PACSIN2: variants seen among roughly 807,000 people sequenced by gnomAD.
PACSIN2 encodes protein kinase C and casein kinase substrate in neurons 2, also known as protein kinase C and casein kinase substrate in neurons protein 2.
PACSIN2 carries 25 observed loss-of-function variants against 63.8 expected under a neutral mutation model. The observed-to-expected ratio is 0.39, with a 90% CI of 0.29 to 0.55. PACSIN2 has a LOEUF of 0.55. PACSIN2 is among the 20% of genes least tolerant of loss of function. The pLI is 0.62. For synonymous variants in PACSIN2, 255 were observed against 256.2 expected (o/e 1.00, Z 0.05); for missense variants, 518 against 646.9 (o/e 0.80, Z 2.16).
intron 1 of PACSIN2, among the ~76,000 whole-genome samples, chr22:42,916,801 C>A (rs998617680): frequency 2.6e-5 from 4 of 152,182 alleles, no homozygotes; most frequent in Non-Finnish European, 5.9e-5. Flanking sequence ...ATGGAGAAGG[C>A]CCAGCAGTGA....
chr22:42,902,366 G>C (rs1930752842), intron 2 of PACSIN2, among the ~76,000 whole-genome samples: 1 of 152,152 alleles, frequency 6.6e-6, no homozygotes, highest in South Asian at 2.1e-4. Context: ...CCCTCCCCCT[G>C]GTGGACATGT....
At chr22:42,913,204 G>A in intron 1 of PACSIN2, among the ~76,000 whole-genome samples, 1 of 152,334 alleles carries the variant, frequency 6.6e-6, no homozygotes, top group Non-Finnish European at 1.5e-5. Context: ...AATAGGCCGG[G>A]CACAGTGGCT....
At chr22:42,962,780 G>GGGGGA (rs1569329661) in intron 1 of PACSIN2, among the ~76,000 whole-genome samples, 1,056 of 65,244 alleles carry the variant, frequency 0.016, 87 homozygotes, top group African/African-American at 0.065. Flanking sequence ...GTGGGCGGGG[G>GGGGGA]GGGGGGGCGG....
chr22:42,909,140 A>C (rs1054884905), intron 2 of PACSIN2, among the ~76,000 whole-genome samples: 1 of 152,116 alleles, frequency 6.6e-6, no homozygotes, highest in African/African-American at 2.4e-5. Flanking sequence ...AGCAACGTCC[A>C]CTACCCCATG....
At chr22:42,962,463 C>T (rs995402261) in intron 1 of PACSIN2, among the ~76,000 whole-genome samples, 1 of 152,128 alleles carries the variant, frequency 6.6e-6, no homozygotes, top group African/African-American at 2.4e-5. Flanking sequence ...AACACTGCCC[C>T]TCCAACTTGA....
rs564613760 is a variant in PACSIN2, at chr22:42,876,461, G to T, written c.1152-128C>A. 951 of 713,674 alleles carry T rather than the reference G, an allele frequency of 1.3e-3. 2 individuals carry two copies. The highest frequency in any genetic ancestry group is 2.0e-3 in the Non-Finnish European group (840 of 426,442). The allele number at this position is 713,674 out of a possible 1,614,324, so 44.2% of individuals were successfully genotyped here. On this transcript the variant is annotated intron_variant, in intron 9 of 10. Coordinates refer to ENST00000263246, the MANE Select transcript of PACSIN2 (RefSeq NM_001184970.3). ...TGAGGGCTCCTTCCGAAGGAGCACA[G>T]GTGGAGCCAGTGCTAGTGTGAGTTC...
intron 1 of PACSIN2, among the ~76,000 whole-genome samples, chr22:42,944,613 T>G (rs1306002153): frequency 6.6e-6 from 1 of 152,168 alleles, no homozygotes; most frequent in African/African-American, 2.4e-5. Context: ...TGTTCATCAC[T>G]GCAATATTTA....
intron 1 of PACSIN2, among the ~76,000 whole-genome samples, chr22:42,957,187 G>A (rs1933951660): frequency 6.6e-6 from 1 of 152,024 alleles, no homozygotes; most frequent in South Asian, 2.1e-4. Context: ...ACACCAGGAG[G>A]GAAGACAGTT....
chr22:42,947,738 G>C (rs976010854), intron 1 of PACSIN2, among the ~76,000 whole-genome samples: 1 of 152,170 alleles, frequency 6.6e-6, no homozygotes, highest in African/African-American at 2.4e-5. Flanking sequence ...CTCTGCGCCT[G>C]ACACTGCTCA....
chr22:42,885,823 G>A lies in PACSIN2; in HGVS notation c.610-1262C>T, dbSNP rs370217179. On this transcript the variant is annotated intron_variant, in intron 5 of 10. Transcript: ENST00000263246. ...TAAGATGGCTGGGCTTGGGTCCTCT[G>A]TGCCAGGAAAAGGCCACCCCTGCCA... Among the ~76,000 whole-genome samples the A allele has an allele frequency of 4.6e-5, 7 of 152,154 alleles. No homozygotes were observed. The East Asian group carries it at 1.4e-3, about 29-fold the overall frequency.
chr22:42,873,397 C>A (rs1455927278), intron 10 of PACSIN2, among the ~76,000 whole-genome samples: 1 of 152,120 alleles, frequency 6.6e-6, no homozygotes, highest in African/African-American at 2.4e-5. Flanking sequence ...AACAAAAAAA[C>A]CCAACTTCTC....
intron 1 of PACSIN2, among the ~76,000 whole-genome samples, chr22:42,975,800 A>G (rs935118810): frequency 6.6e-6 from 1 of 152,110 alleles, no homozygotes; most frequent in Non-Finnish European, 1.5e-5. Context: ...ATTTATTAGT[A>G]TGTTCCAAAA....
chr22:42,878,970 GC>G, intron 8 of PACSIN2, 77 bp downstream of exon 8: 1 of 1,463,038 alleles, frequency 6.8e-7, no homozygotes, highest in East Asian at 2.4e-5. Context: ...CCAGGCCGGG[GC>G]TGCCCTGGAC....
At chr22:42,931,694 A>G (rs1211863979) in intron 1 of PACSIN2, among the ~76,000 whole-genome samples, 1 of 152,220 alleles carries the variant, frequency 6.6e-6, no homozygotes, top group Admixed American at 6.5e-5. Context: ...GCTGCTGGCT[A>G]GGCTGAGAAC....
intron 1 of PACSIN2, among the ~76,000 whole-genome samples, chr22:42,986,672 G>C (rs188233451): frequency 2.4e-4 from 36 of 152,290 alleles, no homozygotes; most frequent in South Asian, 6.2e-4. Context: ...TCAGGGCAGA[G>C]AGCAACATCA....
intron 1 of PACSIN2, among the ~76,000 whole-genome samples, chr22:42,913,808 C>T (rs1931629719): frequency 6.6e-6 from 1 of 152,152 alleles, no homozygotes; most frequent in African/African-American, 2.4e-5. Context: ...ACCAGCTCTG[C>T]CTGCTTGCTA....
intron 1 of PACSIN2, among the ~76,000 whole-genome samples, chr22:42,949,908 A>T (rs1327755131): frequency 6.6e-6 from 1 of 152,246 alleles, no homozygotes; most frequent in Admixed American, 6.5e-5. Flanking sequence ...CCAATATTCT[A>T]AAAACATTTA....
At chr22:42,937,384 G>A (rs1032311253) in intron 1 of PACSIN2, among the ~76,000 whole-genome samples, 3 of 152,176 alleles carry the variant, frequency 2.0e-5, no homozygotes, top group African/African-American at 7.2e-5. Context: ...TGGTGAGATG[G>A]CTGTGGGTGA....
At chr22:42,991,326 A>C (rs1461739085) in intron 1 of PACSIN2, among the ~76,000 whole-genome samples, 1 of 152,216 alleles carries the variant, frequency 6.6e-6, no homozygotes, top group South Asian at 2.1e-4. Flanking sequence ...CCTGGGTCTC[A>C]GCTGGCTGCA....
Sources: allele counts gnomAD v4.1 joint callset (sites outside exome capture counted in the v4.1 genomes callset), GRCh38; gene constraint gnomAD v4.1.1; transcripts MANE v1.5; gene names NCBI Gene and HGNC (gene_info 2026-07-23, HGNC 2026-07-21).